Variants in ST18 observed in about 807,000 individuals in gnomAD.
ST18 encodes the protein suppression of tumorigenicity 18 protein.
In ST18, 50 loss-of-function variants were observed where a neutral mutation model predicts 110.0. That is an observed-to-expected ratio of 0.45 (90% CI 0.36 to 0.58). The LOEUF is 0.58. Ranked by LOEUF, ST18 falls within the 20% of genes least tolerant of loss-of-function variation. ST18 has a pLI of 0.00. For synonymous variants in ST18, 461 were observed against 452.4 expected, an observed-to-expected ratio of 1.02 and a Z score of -0.24; for missense variants, 1,306 against 1,280.1, an observed-to-expected ratio of 1.02 and a Z score of -0.31.
intron 2 of ST18, among the ~76,000 whole-genome samples, chr8:52,363,023 A>G (rs1223135744): frequency 6.6e-6 from 1 of 152,190 alleles, no homozygotes; most frequent in African/African-American, 2.4e-5. Flanking sequence ...CATCCTGGCT[A>G]ACATGGTGAA....
intron 5 of ST18, chr8:52,220,537 C>T (rs1269977066): frequency 6.6e-6 from 1 of 152,012 alleles, no homozygotes; most frequent in Non-Finnish European, 1.5e-5. Flanking sequence ...GCTCAGAGGA[C>T]TTTGCCTATT....
intron 8 of ST18, among the ~76,000 whole-genome samples, chr8:52,208,622 T>A (rs977555668): frequency 1.3e-5 from 2 of 152,114 alleles, no homozygotes; most frequent in Admixed American, 6.6e-5. Context: ...GTCAGGAGAT[T>A]GAGACCATCC....
intron 2 of ST18, among the ~76,000 whole-genome samples, chr8:52,354,879 G>C (rs369791936): frequency 6.6e-6 from 1 of 152,162 alleles, no homozygotes; most frequent in East Asian, 1.9e-4. Context: ...ACAAATATGG[G>C]CTCCCCATGT....
At chr8:52,231,971 C>T (rs1250394432) in intron 2 of ST18, among the ~76,000 whole-genome samples, 9 of 152,126 alleles carry the variant, frequency 5.9e-5, no homozygotes, top group Non-Finnish European at 4.4e-5. Flanking sequence ...ATGGTGGGAC[C>T]CGAGAATGTG....
chr8:52,130,808 C>T (rs1035171779), intron 22 of ST18, among the ~76,000 whole-genome samples: 5 of 152,144 alleles, frequency 3.3e-5, no homozygotes. Context: ...GTGCTCACCA[C>T]AGTACAGCAT....
chr8:52,345,604 C>A (rs1465768588), intron 2 of ST18, among the ~76,000 whole-genome samples: 2 of 152,144 alleles, frequency 1.3e-5, no homozygotes, highest in African/African-American at 2.4e-5. Context: ...CATCTCCAAC[C>A]CAGCTCTTCC....
At chr8:52,246,980 A>G (rs1018279379) in intron 2 of ST18, among the ~76,000 whole-genome samples, 1 of 152,178 alleles carries the variant, frequency 6.6e-6, no homozygotes, top group Non-Finnish European at 1.5e-5. Context: ...TGTGAACTCA[A>G]AAAGGGAGTA....
At chr8:52,251,785 G>A (rs2094322564) in intron 2 of ST18, among the ~76,000 whole-genome samples, 1 of 152,050 alleles carries the variant, frequency 6.6e-6, no homozygotes, top group Admixed American at 6.6e-5. Flanking sequence ...CATTTCTGAA[G>A]CCTTGTTGAA....
At chr8:52,267,995 C>A (rs2094929447) in intron 2 of ST18, among the ~76,000 whole-genome samples, 1 of 152,146 alleles carries the variant, frequency 6.6e-6, no homozygotes, top group Non-Finnish European at 1.5e-5. Context: ...TCATAGTTCA[C>A]CCCAAAATAT....
At chr8:52,385,923 G>T (rs1345644605) in intron 2 of ST18, among the ~76,000 whole-genome samples, 2 of 152,126 alleles carry the variant, frequency 1.3e-5, no homozygotes, top group African/African-American at 2.4e-5. Flanking sequence ...CTCTCTTACT[G>T]TGTCCTAGGG....
chr8:52,334,973 C>T (rs1008020801), intron 2 of ST18, among the ~76,000 whole-genome samples: 5 of 152,062 alleles, frequency 3.3e-5, no homozygotes, highest in African/African-American at 4.8e-5. Context: ...AATGTTGCCA[C>T]AATTTGTTGA....
chr8:52,290,923 C>T (rs114038264), intron 2 of ST18, among the ~76,000 whole-genome samples: 2 of 152,196 alleles, frequency 1.3e-5, no homozygotes, highest in Non-Finnish European at 2.9e-5. Flanking sequence ...CCGGTGAACA[C>T]CGTGTTGCAG....
intron 2 of ST18, among the ~76,000 whole-genome samples, chr8:52,232,416 A>C (rs1232039212): frequency 6.6e-6 from 1 of 152,244 alleles, no homozygotes; most frequent in Non-Finnish European, 1.5e-5. Context: ...ATGGGAATGA[A>C]TTAATTACAA....
At chr8:52,338,748 T>G (rs1022923131) in intron 2 of ST18, among the ~76,000 whole-genome samples, 2 of 151,716 alleles carry the variant, frequency 1.3e-5, no homozygotes, top group African/African-American at 4.8e-5. Flanking sequence ...TTCTCTTTCT[T>G]TTTTTTTAAA....
At chr8:52,231,181 C>A (rs1381018351) in intron 2 of ST18, among the ~76,000 whole-genome samples, 1 of 151,984 alleles carries the variant, frequency 6.6e-6, no homozygotes, top group South Asian at 2.1e-4. Flanking sequence ...AATTTATTAC[C>A]CAGATAATAG....
intron 9 of ST18, among the ~76,000 whole-genome samples, chr8:52,178,168 T>A (rs1398201134): frequency 6.6e-6 from 1 of 152,160 alleles, no homozygotes; most frequent in African/African-American, 2.4e-5. Context: ...AGATATAGTC[T>A]GTCTTCACAA....
chr8:52,393,140 A>T (rs1433265044), intron 2 of ST18, among the ~76,000 whole-genome samples: 1 of 152,202 alleles, frequency 6.6e-6, no homozygotes, highest in Non-Finnish European at 1.5e-5. Context: ...GGCCCTCCTG[A>T]GAACCCTGAA....
intron 8 of ST18, among the ~76,000 whole-genome samples, chr8:52,207,757 GTC>G (rs138280677): frequency 0.02 from 3,040 of 152,286 alleles, 101 homozygotes; most frequent in African/African-American, 0.07. Flanking sequence ...GAATTCATTT[GTC>G]TCTCTAAGTA....
chr8:52,293,426 G>A (rs2095585844), intron 2 of ST18, among the ~76,000 whole-genome samples: 1 of 152,234 alleles, frequency 6.6e-6, no homozygotes, highest in African/African-American at 2.4e-5. Flanking sequence ...CATGTTCTTA[G>A]TGGTAAGTGC....
Sources: gnomAD v4.1 joint callset for allele counts (sites outside exome capture counted in the v4.1 genomes callset) on GRCh38, gnomAD v4.1.1 for gene constraint, MANE v1.5 for transcripts, NCBI Gene and HGNC (gene_info 2026-07-23, HGNC 2026-07-21) for gene names.